CLNK: variants seen among roughly 807,000 people sequenced by gnomAD.
The protein encoded by CLNK is cytokine dependent hematopoietic cell linker, also known as cytokine-dependent hematopoietic cell linker.
CLNK carries 74 observed loss-of-function variants against 68.6 expected under a neutral mutation model. The ratio of observed to expected loss-of-function variants is 1.08; its 90% CI spans 0.89 to 1.31. CLNK has a LOEUF of 1.31. Ranked by LOEUF, CLNK falls within the 50% of genes most tolerant of loss-of-function variation. The pLI, the probability that CLNK is intolerant of heterozygous loss-of-function variation, is 0.00. For synonymous variants in CLNK, 198 were observed against 172.2 expected, an observed-to-expected ratio of 1.15 and a Z score of -1.17; for missense variants, 553 against 515.3, an observed-to-expected ratio of 1.07 and a Z score of -0.71.
intron 5 of CLNK, among the ~76,000 whole-genome samples, chr4:10,570,791 A>C (rs1720314251): frequency 1.3e-5 from 2 of 152,182 alleles, no homozygotes; most frequent in Admixed American, 1.3e-4. Context: ...TATTGAATTA[A>C]TGTTATAAAT....
At chr4:10,585,712 G>A (rs899920891) in intron 3 of CLNK, among the ~76,000 whole-genome samples, 1 of 152,172 alleles carries the variant, frequency 6.6e-6, no homozygotes, top group African/African-American at 2.4e-5. Flanking sequence ...AACTCCTCAG[G>A]TGGCTGGGGT....
intron 16 of CLNK, among the ~76,000 whole-genome samples, chr4:10,508,783 C>T (rs1042096587): frequency 1.1e-4 from 17 of 152,070 alleles, no homozygotes; most frequent in African/African-American, 4.1e-4. Context: ...TAGTATAGAC[C>T]CTAGTGAAGA....
At chr4:10,696,309 T>G in the CLNK span, among the ~76,000 whole-genome samples, 11 of 152,160 alleles carry the variant, frequency 7.2e-5, no homozygotes, top group Non-Finnish European at 1.5e-4. Flanking sequence ...ACAGACACAC[T>G]CAACATGGGC....
At chr4:10,699,343 T>TACGTGTGTGTATAC in the CLNK span, among the ~76,000 whole-genome samples, 1 of 29,908 alleles carries the variant, frequency 3.3e-5, no homozygotes, top group Non-Finnish European at 7.6e-5. Context: ...CGTGTGTGTA[T>TACGTGTGTGTATAC]ACACACACAC....
intron 2 of CLNK, among the ~76,000 whole-genome samples, chr4:10,603,770 G>A (rs1461275956): frequency 1.3e-5 from 2 of 152,204 alleles, no homozygotes; most frequent in South Asian, 2.1e-4. Flanking sequence ...GGTGTGGGCT[G>A]CTCCAGGTGA....
At chr4:10,676,238 G>T (rs1207806718) in intron 1 of CLNK, among the ~76,000 whole-genome samples, 2 of 152,022 alleles carry the variant, frequency 1.3e-5, no homozygotes, top group African/African-American at 4.8e-5. Context: ...TTTTAGAGAT[G>T]CTCATACTTA....
At chr4:10,714,103 A>G in the CLNK span, among the ~76,000 whole-genome samples, 1 of 152,060 alleles carries the variant, frequency 6.6e-6, no homozygotes, top group Non-Finnish European at 1.5e-5. Context: ...AGTGCCAGGG[A>G]GGAGAAAGAG....
intron 1 of CLNK, among the ~76,000 whole-genome samples, chr4:10,679,959 T>C (rs914306375): frequency 8.5e-5 from 13 of 152,124 alleles, no homozygotes; most frequent in South Asian, 4.2e-4. Context: ...GTCAGTGTGG[T>C]GATTCCTCAG....
chr4:10,667,938 C>T, intron 1 of CLNK, 27 bp from the exon 2 acceptor site: 3 of 1,216,084 alleles, frequency 2.5e-6, no homozygotes, highest in Non-Finnish European at 3.4e-6. Flanking sequence ...AAACGCGTTA[C>T]TGGAACTTCC....
intron 8 of CLNK, among the ~76,000 whole-genome samples, chr4:10,549,104 A>G (rs1719346674): frequency 1.3e-5 from 2 of 152,160 alleles, no homozygotes; most frequent in Non-Finnish European, 2.9e-5. Flanking sequence ...CCTCCCTTTT[A>G]AGATTTTTGT....
Position 10,525,214 on chromosome 4 carries a change from G to A in CLNK, c.731+627C>T, listed in dbSNP as rs556732490. 3.9e-5 allele frequency among the ~76,000 whole-genome samples: 6 copies of A among 152,196 alleles called. No homozygotes were observed. The East Asian group carries it at 5.8e-4, about 15-fold the overall frequency. On this transcript the variant is annotated intron_variant, in intron 14 of 18. Transcript: ENST00000226951. ...CGAGTAGCTGGGACTACAGGCACCC[G>A]CCACCACACTCGGCTAATTTTTTTG...
chr4:10,723,691 A>T, the CLNK span, among the ~76,000 whole-genome samples: 1 of 152,154 alleles, frequency 6.6e-6, no homozygotes, highest in Non-Finnish European at 1.5e-5. Context: ...CAACATTATT[A>T]GTAATAATCA....
chr4:10,562,572 A>C (rs952427647), intron 7 of CLNK, among the ~76,000 whole-genome samples: 1 of 151,802 alleles, frequency 6.6e-6, no homozygotes, highest in Non-Finnish European at 1.5e-5. Context: ...CACCCGGCTA[A>C]TTTTTCTATT....
intron 5 of CLNK, among the ~76,000 whole-genome samples, chr4:10,570,561 ATG>A (rs1366519940): frequency 6.6e-6 from 1 of 152,080 alleles, no homozygotes; most frequent in East Asian, 1.9e-4. Flanking sequence ...TTGTGTGTGC[ATG>A]TGTGTGTATG....
chr4:10,574,462 C>G (rs1424171587), intron 4 of CLNK, among the ~76,000 whole-genome samples: 2 of 152,214 alleles, frequency 1.3e-5, no homozygotes, highest in African/African-American at 4.8e-5. Flanking sequence ...TCAGGGCCCT[C>G]CTCTGCCACC....
chr4:10,697,089 T>C, the CLNK span: 1 of 152,212 alleles, frequency 6.6e-6, no homozygotes, highest in Admixed American at 6.5e-5. Context: ...AACCCAACTG[T>C]CACCCCTCAA....
intron 8 of CLNK, among the ~76,000 whole-genome samples, chr4:10,556,246 T>A (rs1719668934): frequency 6.6e-6 from 1 of 152,254 alleles, no homozygotes; most frequent in Admixed American, 6.5e-5. Context: ...TCATACCACA[T>A]AAGGAAGCTT....
intron 14 of CLNK, among the ~76,000 whole-genome samples, chr4:10,522,008 C>T (rs1315248397): frequency 3.3e-5 from 5 of 152,094 alleles, no homozygotes; most frequent in Non-Finnish European, 7.4e-5. Flanking sequence ...CGTGTAATCC[C>T]AGAACTTTGG....
At chr4:10,599,964 C>G (rs1721529380) in intron 2 of CLNK, among the ~76,000 whole-genome samples, 2 of 152,184 alleles carry the variant, frequency 1.3e-5, no homozygotes, top group Non-Finnish European at 2.9e-5. Context: ...AGAATATTAT[C>G]AAGTCACCTC....
Sources: gnomAD v4.1 joint callset for allele counts (sites outside exome capture counted in the v4.1 genomes callset) on GRCh38, gnomAD v4.1.1 for gene constraint, MANE v1.5 for transcripts, NCBI Gene and HGNC (gene_info 2026-07-23, HGNC 2026-07-21) for gene names.